The following FHIP1B variants were observed in gnomAD, a reference collection of about 807,000 sequenced individuals.
FHIP1B encodes the protein FHF complex subunit HOOK interacting protein 1B, also known as FHF complex subunit HOOK-interacting protein 1B.
A neutral mutation model predicts 82.2 loss-of-function variants in FHIP1B; 28 were observed. The ratio of observed to expected loss-of-function variants is 0.34; its 90% confidence interval spans 0.25 to 0.47. The LOEUF is 0.47. Among genes scored for constraint, FHIP1B ranks in the 20% least tolerant of loss-of-function variants. FHIP1B has a pLI of 1.00. For synonymous variants in FHIP1B, 585 were observed against 516.1 expected (o/e 1.13, Z -1.81); for missense variants, 1,110 against 1,262.6 (o/e 0.88, Z 1.83).
rs1427080428 is a variant in FHIP1B at position 6,218,168 on chromosome 11, A to G, written c.1436-18T>C. 2.1e-5 allele frequency: 34 copies of G among 1,598,982 alleles called. No individual in the cohort carries two copies. Among genetic ancestry groups the G allele is most frequent in the East Asian group, 6.8e-5 (3 of 44,342 alleles). On this transcript the variant is annotated intron_variant, in intron 8 of 11. Transcript: ENST00000449352. ...TCCAGGACCTGCAAAGGGAAAAAAT[A>G]TAAGAGAAATCAAGGAGACAGAGGT...
rs1025799721 is a variant in FHIP1B at position 6,223,026 on chromosome 11, C to T, written c.936+54G>A. ...AAATGACAGAACTCCAGGGAATATA[C>T]CCCCTCCTACCTAATCTCCCAAAAA... On this transcript the variant is annotated intron_variant, in intron 4 of 11. Transcript: ENST00000449352. This position sits in a 1 kb window ranked among gnomAD's most constrained non-coding sequence, Gnocchi z 4.8. 1.3e-6 allele frequency: 2 copies of T among 1,573,152 alleles called. No individual in the cohort carries two copies. Among genetic ancestry groups the T allele is most frequent in the Non-Finnish European group, 1.7e-6 (2 of 1,157,120 alleles).
Position 6,224,629 on chromosome 11 carries a change from T to A in FHIP1B, c.-113A>T. Reference sequence around the variant, plus strand: ...GCTTCATCCGGTCTGTAGGAGCCAGTAGCTGCCCATGGAGCCAGAGGTTAT... The same window carrying A: ...GCTTCATCCGGTCTGTAGGAGCCAGAAGCTGCCCATGGAGCCAGAGGTTAT... On this transcript the variant is annotated 5_prime_UTR_variant, in exon 2 of 12. Transcript: ENST00000449352. The A allele has an allele frequency of 2.6e-6, 3 of 1,141,414 alleles. No individual in the cohort carries two copies. Among genetic ancestry groups the A allele is most frequent in the Middle Eastern group, 3.0e-4 (1 of 3,304 alleles). The allele number at this position is 1,141,414 out of a possible 1,614,324, so 70.7% of individuals were successfully genotyped here.
In FHIP1B at chr11:6,214,830, A is replaced by G; in HGVS notation, c.2297T>C (p.Leu766Pro). 1 of 1,612,224 alleles carries G rather than the reference A, an allele frequency of 6.2e-7. No homozygotes were observed. The highest frequency in any genetic ancestry group is 8.5e-7 in the Non-Finnish European group (1 of 1,179,144). Residue 766 changes from leucine (L) to proline (P), a missense_variant, in exon 10 of 12, where the codon CTG becomes CCG. Transcript: ENST00000449352. ...GGGGTGACAGGCCAGCTGGGCCACC[A>G]GCCCCGTCAGCAGGAAGTTGACATA... The part of the protein sequence containing the change: ...SVYVNFLLTG[L>P]VAQLACHPQP...
intron 1 of FHIP1B, among the ~76,000 whole-genome samples, chr11:6,228,227 G>A (rs929187472): frequency 6.6e-6 from 1 of 152,058 alleles, no homozygotes; most frequent in Non-Finnish European, 1.5e-5. Context: ...GTGCACACCT[G>A]TAATCCCAGC....
chr11:6,218,093 G>A lies in FHIP1B; in HGVS notation c.1493C>T (p.Thr498Ile), dbSNP rs1847298313. 2 of 1,613,606 alleles carry A rather than the reference G, an allele frequency of 1.2e-6. No individual in the cohort carries two copies. Among genetic ancestry groups the A allele is most frequent in the South Asian group, 1.1e-5 (1 of 91,044 alleles). ...CAGGAAGAGAGCCAGACGAGATGGTGTGGAGGGCCGGGGTACTGTCGTCAC... is the reference window on the plus strand; with the variant it reads ...CAGGAAGAGAGCCAGACGAGATGGTATGGAGGGCCGGGGTACTGTCGTCAC... ...SSVTTVPRPS[T>I]PSRLALFLRQ... The change falls in exon 9 of 12, where the codon ACA (threonine) becomes ATA (isoleucine). Residue 498 changes from threonine to isoleucine, a missense_variant. Coordinates refer to ENST00000449352, the MANE Select transcript of FHIP1B (RefSeq NM_001098794.2).
At position 6,218,708 on chromosome 11, in the gene FHIP1B, C is replaced by T; in HGVS notation, c.1327G>A (p.Val443Met). The stretch of plus-strand genomic sequence containing the variant: ...TCAGCTGCTCGTCCATATAGGTCCA[C>T]ATCACGAACAGCCGGCTTCTGGCTC... ...MLSQKPAVRD[V>M]DLYGRAADKF... Residue 443 changes from valine (V) to methionine (M), a missense_variant, in exon 8 of 12, where the codon GTG becomes ATG. Val to Met is a conservative substitution (Grantham distance 21). Coordinates refer to ENST00000449352, the MANE Select transcript of FHIP1B (RefSeq NM_001098794.2). 1 of 1,614,170 alleles carries T rather than the reference C, an allele frequency of 6.2e-7. No homozygotes were observed. The highest frequency in any genetic ancestry group is 8.5e-7 in the Non-Finnish European group (1 of 1,180,042).
rs775660803 is a variant in FHIP1B at position 6,217,595 on chromosome 11, A to G, written c.1991T>C (p.Ile664Thr). ...CTCTAGTCCTGCCATGCCCTCGGAG[A>G]TGCCCTCTAGCAGTTCCCCAGCTCC... ...KEGAGELLEG[I>T]SEGMAGLEGF... The change falls in exon 9 of 12, where the codon ATC becomes ACC. Residue 664 changes from isoleucine to threonine, a missense_variant. Physicochemically the swap from Ile to Thr is moderately conservative, Grantham distance 89. Transcript: ENST00000449352. 8.1e-6 allele frequency: 13 copies of G among 1,612,982 alleles called. No individual in the cohort carries two copies. The Admixed American group carries it at 8.3e-5, about 10-fold the overall frequency.
At chr11:6,227,529 A>G (rs1415920798) in intron 1 of FHIP1B, among the ~76,000 whole-genome samples, 1 of 152,252 alleles carries the variant, frequency 6.6e-6, no homozygotes, top group African/African-American at 2.4e-5. Context: ...GTGTTTTAGA[A>G]AAGAGGTTGA....
intron 6 of FHIP1B, 117 bp from the exon 7 acceptor site, chr11:6,219,167 A>T (rs1439209295): frequency 8.5e-6 from 6 of 703,588 alleles, no homozygotes; most frequent in Non-Finnish European, 1.5e-5. Flanking sequence ...TCCTAGAGGA[A>T]CTCCTAGAGG....
chr11:6,222,061 C>G (rs972385945), intron 6 of FHIP1B, among the ~76,000 whole-genome samples: 1 of 152,188 alleles, frequency 6.6e-6, no homozygotes, highest in Non-Finnish European at 1.5e-5. Flanking sequence ...CCTGGATCAC[C>G]TACCAAAGCA....
chr11:6,223,306 G>T lies in FHIP1B; in HGVS notation c.778-68C>A. 1 of 1,485,864 alleles carries T rather than the reference G, an allele frequency of 6.7e-7. No individual in the cohort carries two copies. Among genetic ancestry groups the T allele is most frequent in the Non-Finnish European group, 9.1e-7 (1 of 1,100,972 alleles). The allele number at this position is 1,485,864 out of a possible 1,614,324, so 92.0% of individuals were successfully genotyped here. On this transcript the variant is annotated intron_variant, in intron 3 of 11. Transcript: ENST00000449352. The surrounding 1 kb of genome is among the most constrained non-coding windows in gnomAD (Gnocchi z 4.8). Reference sequence around the variant, plus strand: ...AAAATATAAAAACTGGAACAGGGGAGCTAGTAATCCAGAGTTTTGATGGGA... The same window carrying T: ...AAAATATAAAAACTGGAACAGGGGATCTAGTAATCCAGAGTTTTGATGGGA...
intron 1 of FHIP1B, 148 bp from the exon 2 acceptor site, chr11:6,224,855 G>T: frequency 4.5e-6 from 1 of 223,992 alleles, no homozygotes; most frequent in Non-Finnish European, 8.7e-6. Flanking sequence ...ACAGAACTCA[G>T]ATTTCTACCA....
Position 6,214,857 on chromosome 11 carries a change from A to G in FHIP1B, c.2270T>C (p.Val757Ala), listed in dbSNP as rs774777038. ...AKLENMLQNS[V>A]YVNFLLTGLV... ...CCCCGTCAGCAGGAAGTTGACATAG[A>G]CGGAGTTCTGCAGCATGTTCTCGAG... Residue 757 changes from valine (V) to alanine (A), a missense_variant, in exon 10 of 12, where the codon GTC becomes GCC. Val to Ala is a moderately conservative substitution (Grantham distance 64, BLOSUM62 0). Around this residue, in one of 6 missense-constraint regions of FHIP1B, gnomAD observed 39 missense variants for 79.6 expected, o/e 0.49. Transcript: ENST00000449352. 1 of 1,611,594 alleles carries G rather than the reference A, an allele frequency of 6.2e-7. No homozygotes were observed. The highest frequency in any genetic ancestry group is 8.5e-7 in the Non-Finnish European group (1 of 1,178,778).
At chr11:6,216,438 A>G (rs1847228136) in intron 9 of FHIP1B, 1 of 152,674 alleles carries the variant, frequency 6.5e-6, no homozygotes. Context: ...GTAGTAAATG[A>G]TTTATATGCA....
At chr11:6,224,356 C>A (rs1847504896) in intron 2 of FHIP1B, 23 bp downstream of exon 2, 1 of 1,614,220 alleles carries the variant, frequency 6.2e-7, no homozygotes, top group East Asian at 2.2e-5. Flanking sequence ...GCAGACAAGG[C>A]CCTTTGCCAT....
Position 6,223,720 on chromosome 11 carries a change from C to T in FHIP1B, c.667G>A (p.Glu223Lys). The change falls in exon 3 of 12, where the codon GAG (glutamate) becomes AAG (lysine). Residue 223 changes from glutamate to lysine, a missense_variant. By Grantham distance (56) the Glu-to-Lys change is moderately conservative. Coordinates refer to ENST00000449352, the MANE Select transcript of FHIP1B (RefSeq NM_001098794.2). The surrounding 1 kb of genome is among the most constrained non-coding windows in gnomAD (Gnocchi z 4.8). ...FSRLVPFVHR[E>K]GTLGQQARDA... is the part of the protein sequence containing the mutation. ...CGGGCCTGCTGGCCCAGGGTGCCCT[C>T]TCGATGCACAAAAGGGACAAGGCGA... 3 of 1,614,238 alleles carry T rather than the reference C, an allele frequency of 1.9e-6. No individual in the cohort carries two copies. Among genetic ancestry groups the T allele is most frequent in the Non-Finnish European group, 2.5e-6 (3 of 1,180,034 alleles).
intron 5 of FHIP1B, 62 bp from the exon 6 acceptor site, chr11:6,222,671 T>A: frequency 6.3e-7 from 1 of 1,589,828 alleles, no homozygotes; most frequent in Non-Finnish European, 8.6e-7. Context: ...AGGGCCATTT[T>A]CCCTGGATTC....
At chr11:6,213,014 A>T (rs1330614438) in intron 11 of FHIP1B, among the ~76,000 whole-genome samples, 3 of 152,132 alleles carry the variant, frequency 2.0e-5, no homozygotes, top group Non-Finnish European at 2.9e-5. Context: ...AACATACTTA[A>T]TTTATTTCTA....
At chr11:6,234,372 T>C (rs1051391921) in intron 1 of FHIP1B, among the ~76,000 whole-genome samples, 172 bp downstream of exon 1, 3 of 151,888 alleles carry the variant, frequency 2.0e-5, no homozygotes, top group African/African-American at 7.3e-5. Flanking sequence ...AGCCCCTCAT[T>C]TGTCCACTCA....
Sources: allele counts gnomAD v4.1 joint callset (sites outside exome capture counted in the v4.1 genomes callset), GRCh38; gene constraint gnomAD v4.1.1; regional missense constraint gnomAD v4.1.1; non-coding constraint Gnocchi (gnomAD v3.1); transcripts MANE v1.5; gene names NCBI Gene and HGNC (gene_info 2026-07-23, HGNC 2026-07-21).